Variants in NLGN4X observed in about 807,000 individuals in gnomAD.
NLGN4X encodes neuroligin 4 X-linked.
A neutral mutation model predicts 40.3 loss-of-function variants in NLGN4X; 3 were observed. That is an observed-to-expected ratio of 0.07 (90% CI 0.03 to 0.19). The LOEUF is 0.19. Ranked by LOEUF, NLGN4X falls within the 10% of genes least tolerant of loss-of-function variation. The pLI, the probability that NLGN4X is intolerant of heterozygous loss-of-function variation, is 1.00. For missense variants in NLGN4X, 382 were observed against 708.3 expected, an observed-to-expected ratio of 0.54 and a Z score of 5.23; for synonymous variants, 270 against 306.8, an observed-to-expected ratio of 0.88 and a Z score of 1.25.
At chrX:6,176,972 T>A (rs1338963993) in intron 1 of NLGN4X, among the ~76,000 whole-genome samples, 3 of 111,933 alleles carry the variant, frequency 2.7e-5, no homozygotes, top group Admixed American at 1.9e-4. Context: ...AAACGCTACA[T>A]AACTGTCAGC....
intron 3 of NLGN4X, among the ~76,000 whole-genome samples, chrX:5,919,017 C>T (rs1251188757): frequency 2.7e-5 from 3 of 112,112 alleles, no homozygotes; most frequent in Admixed American, 9.5e-5. Context: ...TCTTTATTTA[C>T]GGAGAGATTT....
intron 3 of NLGN4X, among the ~76,000 whole-genome samples, chrX:5,949,016 A>C (rs2034221134): frequency 9.0e-6 from 1 of 111,461 alleles, no homozygotes. Context: ...ACACTTTGCA[A>C]CATGAGATGT....
At position 5,892,841 on chromosome X, in the gene NLGN4X, G is replaced by A. The variant is rs767531295; in HGVS notation, c.2427C>T (p.His809=). The stretch of plus-strand genomic sequence containing the variant: ...GCTATACTCTAGTGGTGGAATGTCC[G>A]TGGGGTAAATTTGTACTGTTTTGTC... ...SGGQNSTNLP[H]GHSTTRV is the part of the protein sequence containing the mutation. The change falls in exon 6 of 6, where the codon CAC becomes CAT. Residue 809 remains histidine (H), a synonymous_variant. Coordinates refer to ENST00000381095, the MANE Select transcript of NLGN4X (RefSeq NM_181332.3). 24 of 1,209,253 alleles carry A rather than the reference G, an allele frequency of 2.0e-5. No homozygotes were observed. Among genetic ancestry groups the A allele is most frequent in the Non-Finnish European group, 2.6e-5 (23 of 895,087 alleles).
Position 6,062,918 on chromosome X carries a change from C to T in NLGN4X, c.473-33486G>A, listed in dbSNP as rs1022309361. Among the ~76,000 whole-genome samples the T allele has an allele frequency of 9.9e-5, 11 of 111,006 alleles. No individual in the cohort carries two copies. In the Admixed American group the frequency reaches 1.1e-3, roughly 11 times the overall value. ...TCTTTATTGGCAGCTTGAGAACAGA[C>T]TAATACACTGCTCTGCCCTAAACAG... On this transcript the variant is annotated intron_variant, in intron 2 of 5. Coordinates refer to ENST00000381095, the MANE Select transcript of NLGN4X (RefSeq NM_181332.3).
At chrX:6,226,381 C>A (rs970967287) in intron 1 of NLGN4X, among the ~76,000 whole-genome samples, 5 of 110,668 alleles carry the variant, frequency 4.5e-5, no homozygotes, top group Non-Finnish European at 9.5e-5. Context: ...CGTCCTCCGG[C>A]TGCCCCTCGC....
chrX:6,210,207 T>C (rs1924448642), intron 1 of NLGN4X, among the ~76,000 whole-genome samples: 1 of 107,572 alleles, frequency 9.3e-6, no homozygotes, highest in Non-Finnish European at 1.9e-5. Flanking sequence ...AGGAAAAAAT[T>C]GCAGTTGATT....
At chrX:5,996,053 T>A (rs1311286768) in intron 3 of NLGN4X, among the ~76,000 whole-genome samples, 1 of 61,651 alleles carries the variant, frequency 1.6e-5, no homozygotes, top group Non-Finnish European at 4.4e-5. Context: ...AACAGATACC[T>A]AAAAGTATCC....
At position 6,225,681 on chromosome X, in the gene NLGN4X, C is replaced by CTTTTTTTTTTTTTTTTT. The variant is rs1569309354; in HGVS notation, c.-306+2859_-306+2860insAAAAAAAAAAAAAAAAA. Among the ~76,000 whole-genome samples, 116 of 33,788 alleles carry CTTTTTTTTTTTTTTTTT rather than the reference C, an allele frequency of 3.4e-3. 2 individuals are homozygous for CTTTTTTTTTTTTTTTTT. The highest frequency in any genetic ancestry group is 6.2e-3 in the East Asian group (6 of 966). 29.3% of individuals were successfully genotyped at this position (33,788 alleles called of 115,157 possible). On this transcript the variant is annotated intron_variant, in intron 1 of 5. Coordinates refer to ENST00000381095, the MANE Select transcript of NLGN4X (RefSeq NM_181332.3). ...CTTTTTCTTTTCCTTTTTTTTCTTT[C>CTTTTTTTTTTTTTTTTT]TTTTTTTCTTTTTTTTTTTTTTTTT...
At chrX:6,167,870 T>C (rs1263324563) in intron 1 of NLGN4X, among the ~76,000 whole-genome samples, 1 of 112,143 alleles carries the variant, frequency 8.9e-6, no homozygotes, top group South Asian at 3.7e-4. Context: ...AATTATAACC[T>C]GAACCATGGC....
intron 3 of NLGN4X, among the ~76,000 whole-genome samples, chrX:5,997,679 A>C (rs187116465): frequency 9.5e-6 from 1 of 104,899 alleles, no homozygotes; most frequent in East Asian, 3.0e-4. Context: ...TGTGGCAGGG[A>C]CTCTTACTAG....
At chrX:6,221,327 G>T (rs1294594026) in intron 1 of NLGN4X, among the ~76,000 whole-genome samples, 1 of 97,111 alleles carries the variant, frequency 1.0e-5, no homozygotes, top group Non-Finnish European at 2.0e-5. Context: ...GTTTAATATA[G>T]ATTTGGTGAA....
At chrX:5,953,801 G>T (rs1335379818) in intron 3 of NLGN4X, among the ~76,000 whole-genome samples, 1 of 112,061 alleles carries the variant, frequency 8.9e-6, no homozygotes, top group East Asian at 2.8e-4. Context: ...GCAGCAAAAA[G>T]ATGTTGGAAT....
intron 2 of NLGN4X, among the ~76,000 whole-genome samples, chrX:6,058,382 T>A (rs372272346): frequency 5.4e-5 from 6 of 111,946 alleles, no homozygotes; most frequent in East Asian, 5.6e-4. Flanking sequence ...TACTACAAAT[T>A]GATCATTTAA....
chrX:6,052,073 C>A (rs1008128609), intron 2 of NLGN4X, among the ~76,000 whole-genome samples: 3 of 110,116 alleles, frequency 2.7e-5, no homozygotes, highest in Non-Finnish European at 5.7e-5. Context: ...CTGACATCGA[C>A]CCCTGCTGAC....
intron 2 of NLGN4X, among the ~76,000 whole-genome samples, chrX:6,062,224 G>A (rs1446531085): frequency 1.8e-5 from 2 of 111,395 alleles, no homozygotes; most frequent in African/African-American, 6.5e-5. Context: ...CAAAAACTCT[G>A]GACTTCCTTC....
At chrX:5,914,954 T>C (rs1054537425) in intron 3 of NLGN4X, among the ~76,000 whole-genome samples, 1 of 112,523 alleles carries the variant, frequency 8.9e-6, no homozygotes, top group African/African-American at 3.2e-5. Context: ...TGAAAACATG[T>C]AGGATTTAAC....
chrX:6,058,060 A>G (rs932971842), intron 2 of NLGN4X, among the ~76,000 whole-genome samples: 1 of 111,521 alleles, frequency 9.0e-6, no homozygotes, highest in African/African-American at 3.3e-5. Context: ...TCAGAAGGGT[A>G]TATAATCTTA....
chrX:6,008,804 T>G (rs770206061), intron 3 of NLGN4X, among the ~76,000 whole-genome samples: 1 of 112,042 alleles, frequency 8.9e-6, no homozygotes, highest in Admixed American at 9.5e-5. Flanking sequence ...TTTTGTACCT[T>G]TCCAAACTGA....
At chrX:6,200,670 T>C (rs1923501802) in intron 1 of NLGN4X, among the ~76,000 whole-genome samples, 1 of 101,658 alleles carries the variant, frequency 9.8e-6, no homozygotes, top group Admixed American at 1.1e-4. Context: ...ATATGCTTAA[T>C]TTATTCCTTT....
Sources: gnomAD v4.1 joint callset for allele counts (sites outside exome capture counted in the v4.1 genomes callset) on GRCh38, gnomAD v4.1.1 for gene constraint, MANE v1.5 for transcripts, NCBI Gene and HGNC (gene_info 2026-07-23, HGNC 2026-07-21) for gene names.